Variants in PTPN4 observed in about 807,000 individuals in gnomAD.
PTPN4 encodes protein tyrosine phosphatase non-receptor type 4.
Under a neutral mutation model 135.5 loss-of-function variants are expected in PTPN4, and 49 were observed. The observed-to-expected ratio is 0.36, with a 90% CI of 0.29 to 0.46. The LOEUF is 0.46. Among genes scored for constraint, PTPN4 ranks in the 20% least tolerant of loss-of-function variants. The pLI is 1.00. For synonymous variants in PTPN4, 333 were observed against 369.9 expected, an observed-to-expected ratio of 0.90 and a Z score of 1.14; for missense variants, 860 against 1,101.0, an observed-to-expected ratio of 0.78 and a Z score of 3.10.
intron 10 of PTPN4, among the ~76,000 whole-genome samples, chr2:119,913,998 A>C: frequency 6.6e-6 from 1 of 152,154 alleles, no homozygotes; most frequent in East Asian, 1.9e-4. Flanking sequence ...AGAAAATAAA[A>C]GTTATACAAA....
intron 3 of PTPN4, among the ~76,000 whole-genome samples, chr2:119,866,424 C>T (rs937496145): frequency 2.0e-5 from 3 of 152,034 alleles, no homozygotes; most frequent in Non-Finnish European, 2.9e-5. Flanking sequence ...GGTTTTCAAA[C>T]TGGAGCTTGC....
intron 1 of PTPN4, among the ~76,000 whole-genome samples, chr2:119,784,696 A>ATTTTTTTTTTTT (rs58879330): frequency 9.1e-6 from 1 of 110,166 alleles, no homozygotes; most frequent in Non-Finnish European, 1.8e-5. Context: ...TGCCCAGCTA[A>ATTTTTTTTTTTT]TTTTTTTTTT....
At position 119,945,248 on chromosome 2, in the gene PTPN4, G is replaced by A; in HGVS notation, c.1515+8G>A. 1.3e-6 allele frequency: 2 copies of A among 1,519,316 alleles called. No individual in the cohort carries two copies. The highest frequency in any genetic ancestry group is 1.8e-6 in the Non-Finnish European group (2 of 1,136,232). 94.1% of individuals were successfully genotyped at this position (1,519,316 alleles called of 1,614,324 possible). On this transcript the variant is annotated splice_region_variant and intron_variant, in intron 16 of 26. Coordinates refer to ENST00000263708, the MANE Select transcript of PTPN4 (RefSeq NM_002830.4). ...TCTCCTGAAAAACCCACTGTAAGTAGCTTCTTCAGATATTCTCATTTTTAT... is the reference window on the plus strand; with the variant it reads ...TCTCCTGAAAAACCCACTGTAAGTAACTTCTTCAGATATTCTCATTTTTAT...
At chr2:119,777,836 C>G (rs1351215205) in intron 1 of PTPN4, among the ~76,000 whole-genome samples, 1 of 151,654 alleles carries the variant, frequency 6.6e-6, no homozygotes, top group African/African-American at 2.4e-5. Context: ...TTTTTTTCCC[C>G]TAAGAGATGA....
chr2:119,925,624 C>T lies in PTPN4; in HGVS notation c.1002-974C>T, dbSNP rs1016342218. On this transcript the variant is annotated intron_variant, in intron 12 of 26. Transcript: ENST00000263708. ...AAATGAAGTAAAAATGTTAACTGGA[C>T]ACAGTCCTGTCCCTAATGAGTATGC... Among the ~76,000 whole-genome samples, 11 of 152,180 alleles carry T rather than the reference C, an allele frequency of 7.2e-5. 1 individual carries two copies. Among genetic ancestry groups the T allele is most frequent in the African/African-American group, 2.7e-4 (11 of 41,438 alleles).
intron 2 of PTPN4, among the ~76,000 whole-genome samples, chr2:119,854,689 A>G (rs1332601593): frequency 1.3e-5 from 2 of 152,234 alleles, no homozygotes; most frequent in Non-Finnish European, 2.9e-5. Context: ...TGAGTATACA[A>G]GGTGCAAATA....
At chr2:119,841,562 A>G (rs545015884) in intron 2 of PTPN4, among the ~76,000 whole-genome samples, 1 of 152,284 alleles carries the variant, frequency 6.6e-6, no homozygotes, top group East Asian at 1.9e-4. Context: ...ATGCATATAT[A>G]TCTATTTCTC....
At chr2:119,917,143 A>T (rs1260538873) in intron 11 of PTPN4, among the ~76,000 whole-genome samples, 2 of 152,208 alleles carry the variant, frequency 1.3e-5, no homozygotes, top group African/African-American at 4.8e-5. Context: ...AATAGTTATA[A>T]TATCCAGCCT....
At chr2:119,904,400 G>T (rs1193224800) in intron 10 of PTPN4, among the ~76,000 whole-genome samples, 1 of 152,054 alleles carries the variant, frequency 6.6e-6, no homozygotes, top group African/African-American at 2.4e-5. Flanking sequence ...AATGACAAAT[G>T]GAACACTGTA....
intron 2 of PTPN4, among the ~76,000 whole-genome samples, chr2:119,848,949 G>A (rs991004281): frequency 3.9e-5 from 6 of 152,094 alleles, no homozygotes; most frequent in African/African-American, 1.4e-4. Flanking sequence ...CTGTTGATCT[G>A]CTTTCAAGTT....
chr2:119,907,934 A>G (rs1351135175), intron 10 of PTPN4, among the ~76,000 whole-genome samples: 3 of 152,196 alleles, frequency 2.0e-5, no homozygotes, highest in African/African-American at 7.2e-5. Flanking sequence ...TTATCTCAGT[A>G]TATAAAAAAT....
intron 26 of PTPN4, among the ~76,000 whole-genome samples, chr2:119,974,147 G>T (rs891808970): frequency 2.0e-5 from 3 of 152,104 alleles, no homozygotes; most frequent in Non-Finnish European, 4.4e-5. Flanking sequence ...GTATTATTTT[G>T]AAATCAAGGA....
At chr2:119,941,412 AGT>A (rs3084705) in intron 15 of PTPN4, among the ~76,000 whole-genome samples, 2,554 of 148,748 alleles carry the variant, frequency 0.017, 40 homozygotes, top group Non-Finnish European at 0.027. Flanking sequence ...TAGACTTCAG[AGT>A]GTGTGTGTGT....
At chr2:119,822,361 C>CCT (rs1553445056) in intron 2 of PTPN4, among the ~76,000 whole-genome samples, 1 of 130,492 alleles carries the variant, frequency 7.7e-6, no homozygotes, top group Admixed American at 8.1e-5. Flanking sequence ...CCCCTCCCCC[C>CCT]CCCTTTTTTT....
chr2:119,816,442 C>T (rs184500377), intron 2 of PTPN4, among the ~76,000 whole-genome samples: 5 of 152,178 alleles, frequency 3.3e-5, no homozygotes, highest in Admixed American at 2.0e-4. Flanking sequence ...CAGTGGTCCC[C>T]GACCTTTTTG....
At chr2:119,939,805 A>C (rs188707685) in intron 15 of PTPN4, among the ~76,000 whole-genome samples, 1 of 152,220 alleles carries the variant, frequency 6.6e-6, no homozygotes, top group Admixed American at 6.5e-5. Context: ...CCCAATTCCT[A>C]TTCCAGTCTT....
intron 20 of PTPN4, 68 bp from the exon 21 acceptor site, chr2:119,956,776 G>A: frequency 6.4e-7 from 1 of 1,572,292 alleles, no homozygotes; most frequent in Non-Finnish European, 8.5e-7. Flanking sequence ...GTAGAAACAA[G>A]TCTGGTAAAC....
rs183755160 is a variant in PTPN4 at position 119,877,448 on chromosome 2, C to G, written c.290-16C>G. The G allele has an allele frequency of 6.2e-7, 1 of 1,605,766 alleles. No homozygotes were observed. ...AATATAGTCTGATTAATTAGAACTA[C>G]TTTTATTAATTCTAGGAGGATCTCC... On this transcript the variant is annotated splice_polypyrimidine_tract_variant and intron_variant, in intron 4 of 26. Transcript: ENST00000263708.
intron 1 of PTPN4, among the ~76,000 whole-genome samples, chr2:119,792,836 T>G (rs1691174136): frequency 6.6e-6 from 1 of 152,196 alleles, no homozygotes; most frequent in Non-Finnish European, 1.5e-5. Flanking sequence ...TGATGCCCCC[T>G]GAGCTGCAAA....
Sources: allele counts gnomAD v4.1 joint callset (sites outside exome capture counted in the v4.1 genomes callset), GRCh38; gene constraint gnomAD v4.1.1; transcripts MANE v1.5; gene names NCBI Gene and HGNC (gene_info 2026-07-23, HGNC 2026-07-21).